Variants in ZMYM2 observed in about 807,000 individuals in gnomAD.
ZMYM2 encodes zinc finger MYM-type protein 2.
ZMYM2 carries 56 observed loss-of-function variants against 162.8 expected under a neutral mutation model. That is an observed-to-expected ratio of 0.34 (90% CI 0.28 to 0.43). ZMYM2 has a LOEUF of 0.43. Among genes scored for constraint, ZMYM2 ranks in the 20% least tolerant of loss-of-function variants. The probability of loss-of-function intolerance (pLI) is 1.00; values close to 1 mark genes in which losing one functional copy is unlikely to be tolerated. For missense variants in ZMYM2, 1,275 were observed against 1,621.8 expected, an observed-to-expected ratio of 0.79 and a Z score of 3.67; for synonymous variants, 510 against 541.6, an observed-to-expected ratio of 0.94 and a Z score of 0.81.
At position 20,087,293 on chromosome 13, in the gene ZMYM2, C is replaced by T. The variant is rs1003499449; in HGVS notation, c.*1279C>T. ...CATTAAAAAAAAAAACAACTTTGTGCTTCTGCATAGCAATTTATCCATTCA... is the reference window on the plus strand; with the variant it reads ...CATTAAAAAAAAAAACAACTTTGTGTTTCTGCATAGCAATTTATCCATTCA... On this transcript the variant is annotated 3_prime_UTR_variant, in exon 25 of 25. Coordinates refer to ENST00000610343, the MANE Select transcript of ZMYM2 (RefSeq NM_197968.4). 9.6e-5 allele frequency: 18 copies of T among 187,722 alleles called. 1 individual carries two copies. The highest frequency in any genetic ancestry group is 1.9e-4 in the Admixed American group (3 of 16,190). 11.6% of individuals were successfully genotyped at this position (187,722 alleles called of 1,614,324 possible).
intron 2 of ZMYM2, among the ~76,000 whole-genome samples, chr13:19,985,163 G>T (rs928524669): frequency 1.3e-5 from 2 of 152,136 alleles, no homozygotes; most frequent in African/African-American, 2.4e-5. Context: ...TCACTCTGTT[G>T]CCCAGGCTGG....
At chr13:20,019,465 T>G in intron 6 of ZMYM2, 82 bp from the exon 7 acceptor site, 1 of 1,250,664 alleles carries the variant, frequency 8.0e-7, no homozygotes. Flanking sequence ...GAGAAGCAAC[T>G]TTTACATAAT....
chr13:19,996,625 G>A (rs1950036341), intron 3 of ZMYM2, among the ~76,000 whole-genome samples: 2 of 152,108 alleles, frequency 1.3e-5, no homozygotes, highest in Non-Finnish European at 1.5e-5. Context: ...GCTGAGGCAC[G>A]ATAATTTGTT....
At chr13:20,074,176 T>C (rs1443503089) in intron 21 of ZMYM2, among the ~76,000 whole-genome samples, 1 of 150,778 alleles carries the variant, frequency 6.6e-6, no homozygotes, top group Non-Finnish European at 1.5e-5. Flanking sequence ...TCATCTGTGT[T>C]GTGTAGCATA....
chr13:19,963,073 C>T (rs1355639648), intron 2 of ZMYM2, among the ~76,000 whole-genome samples: 2 of 151,498 alleles, frequency 1.3e-5, no homozygotes, highest in Admixed American at 6.6e-5. Flanking sequence ...TCCTGAGCTC[C>T]GGTGATCTGC....
chr13:20,027,128 G>T lies in ZMYM2; in HGVS notation c.1736-75G>T, dbSNP rs537257523. The T allele has an allele frequency of 1.7e-4, 162 of 961,488 alleles. No homozygotes were observed. The East Asian group carries it at 4.3e-3, about 26-fold the overall frequency. The allele number at this position is 961,488 out of a possible 1,614,324, so 59.6% of individuals were successfully genotyped here. On this transcript the variant is annotated intron_variant, in intron 8 of 24. Coordinates refer to ENST00000610343, the MANE Select transcript of ZMYM2 (RefSeq NM_197968.4). ...TTTATTTTTTAACAGAAACTTCTAT[G>T]ATCTCAGTAGTTAAGATAAAAAAAC... is the stretch of plus-strand genomic sequence containing the variant.
chr13:19,947,968 A>G, the ZMYM2 span, among the ~76,000 whole-genome samples: 2 of 151,050 alleles, frequency 1.3e-5, no homozygotes, highest in Non-Finnish European at 2.9e-5. Context: ...TTCTTGTGGG[A>G]TGACAGAAAT....
chr13:19,917,612 AAAG>A, the ZMYM2 span, among the ~76,000 whole-genome samples: 1 of 151,342 alleles, frequency 6.6e-6, no homozygotes, highest in Non-Finnish European at 1.5e-5. Flanking sequence ...AAAAAAAAAA[AAAG>A]AAGTTAGTTA....
At chr13:19,890,261 G>A in the ZMYM2 span, among the ~76,000 whole-genome samples, 109 of 151,804 alleles carry the variant, frequency 7.2e-4, 4 homozygotes, top group African/African-American at 2.4e-3. Context: ...CCACCTCCCA[G>A]GCTCAAGTGA....
intron 2 of ZMYM2, among the ~76,000 whole-genome samples, chr13:19,979,216 G>T (rs1462589908): frequency 6.6e-6 from 1 of 152,122 alleles, no homozygotes; most frequent in African/African-American, 2.4e-5. Context: ...TCCACAATGT[G>T]TCTTGACATG....
intron 12 of ZMYM2, among the ~76,000 whole-genome samples, chr13:20,037,479 G>C (rs1953832435): frequency 6.6e-6 from 1 of 152,214 alleles, no homozygotes; most frequent in African/African-American, 2.4e-5. Flanking sequence ...GCCCCAAAGT[G>C]CTGAGATTAC....
At chr13:20,069,192 C>T (rs1956900118) in intron 21 of ZMYM2, among the ~76,000 whole-genome samples, 1 of 152,054 alleles carries the variant, frequency 6.6e-6, no homozygotes, top group Non-Finnish European at 1.5e-5. Flanking sequence ...TCTATATACA[C>T]AATCATGTCA....
intron 2 of ZMYM2, among the ~76,000 whole-genome samples, chr13:19,974,940 A>G (rs1180554120): frequency 1.3e-5 from 2 of 152,158 alleles, no homozygotes; most frequent in African/African-American, 4.8e-5. Context: ...TTGTTAATAT[A>G]AGAGAAAATT....
rs201394293 is a variant in ZMYM2, at chr13:20,018,087, A to G, written c.1513-1460A>G. 1.1e-4 allele frequency among the ~76,000 whole-genome samples: 16 copies of G among 152,214 alleles called. No homozygotes were observed. The East Asian group carries it at 2.9e-3, about 28-fold the overall frequency. ...GCAGCTTCTTGTTATTGCTGAGTGG[A>G]TATGGGAGTTCTGGCTCCTTTCTGG... On this transcript the variant is annotated intron_variant, in intron 6 of 24. Coordinates refer to ENST00000610343, the MANE Select transcript of ZMYM2 (RefSeq NM_197968.4).
chr13:19,944,029 C>CAT, the ZMYM2 span, among the ~76,000 whole-genome samples: 1 of 152,080 alleles, frequency 6.6e-6, no homozygotes, highest in Non-Finnish European at 1.5e-5. Context: ...AGAAAGAACT[C>CAT]TAGAATTGAT....
chr13:19,889,593 G>A, the ZMYM2 span, among the ~76,000 whole-genome samples: 2 of 151,748 alleles, frequency 1.3e-5, no homozygotes, highest in Non-Finnish European at 2.9e-5. Flanking sequence ...GTGAGCCACT[G>A]TGCCCGGCCT....
At position 20,088,918 on chromosome 13, in the gene ZMYM2, C is replaced by A; in HGVS notation, c.*2904C>A. ...AATGTGGGTTCATTTAATCTGAGATCTTAAATATCTTGCAGCCTTAAATCA... is the reference window on the plus strand; with the variant it reads ...AATGTGGGTTCATTTAATCTGAGATATTAAATATCTTGCAGCCTTAAATCA... On this transcript the variant is annotated 3_prime_UTR_variant, in exon 25 of 25. Transcript: ENST00000610343. The A allele has an allele frequency of 5.1e-6, 1 of 196,796 alleles. No homozygotes were observed. The highest frequency in any genetic ancestry group is 1.1e-5 in the Non-Finnish European group (1 of 94,742). The allele number at this position is 196,796 out of a possible 1,614,324, so 12.2% of individuals were successfully genotyped here.
At chr13:20,060,723 C>T (rs1956166902) in intron 16 of ZMYM2, among the ~76,000 whole-genome samples, 2 of 151,874 alleles carry the variant, frequency 1.3e-5, no homozygotes. Context: ...AGGTTTAGAA[C>T]TGAAACATAG....
chr13:20,010,890 C>T (rs1206472296), intron 6 of ZMYM2, among the ~76,000 whole-genome samples: 7 of 152,180 alleles, frequency 4.6e-5, no homozygotes, highest in Admixed American at 2.6e-4. Context: ...CTGCCCGCCT[C>T]GGCCTCCCCA....
Sources: allele counts gnomAD v4.1 joint callset (sites outside exome capture counted in the v4.1 genomes callset), GRCh38; gene constraint gnomAD v4.1.1; transcripts MANE v1.5; gene names NCBI Gene and HGNC (gene_info 2026-07-23, HGNC 2026-07-21).